Variants in FLVCR2 observed in about 807,000 individuals in gnomAD.
FLVCR2 encodes FLVCR choline and putative heme transporter 2, also known as choline/ethanolamine transporter FLVCR2.
FLVCR2 carries 38 observed loss-of-function variants against 48.9 expected under a neutral mutation model. The ratio of observed to expected loss-of-function variants is 0.78; its 90% CI spans 0.60 to 1.02. FLVCR2 has a LOEUF of 1.02. Among genes scored for constraint, FLVCR2 ranks in the 50% least tolerant of loss-of-function variants. FLVCR2 has a pLI of 0.00. For synonymous variants in FLVCR2, 255 were observed against 257.0 expected (o/e 0.99, Z 0.07); for missense variants, 664 against 663.3 (o/e 1.00, Z -0.01).
intron 1 of FLVCR2, chr14:75,595,881 T>C: frequency 9.4e-7 from 1 of 1,062,608 alleles, no homozygotes; most frequent in Admixed American, 1.7e-5. Flanking sequence ...GTTCTTGCGT[T>C]CCTCTCATTG....
intron 1 of FLVCR2, among the ~76,000 whole-genome samples, chr14:75,607,382 A>C (rs1594799777): frequency 1.3e-5 from 2 of 152,318 alleles, no homozygotes; most frequent in Non-Finnish European, 2.9e-5. Flanking sequence ...AGTTTATTTG[A>C]GCAAACAGTG....
chr14:75,647,385 C>CTT lies in FLVCR2; in HGVS notation c.*913_*914insTT, dbSNP rs1890444775. On this transcript the variant is annotated 3_prime_UTR_variant, in exon 10 of 10. Transcript: ENST00000238667. Reference sequence around the variant, plus strand: ...TTTTATTCCAAGGCAGGGTAATCCCCGTCAACTTACTCTAACCTTTGCTGA... The same window carrying CTT: ...TTTTATTCCAAGGCAGGGTAATCCCCTTGTCAACTTACTCTAACCTTTGCTGA... 1 of 152,154 alleles carries CTT rather than the reference C, an allele frequency of 6.6e-6. No homozygotes were observed. The highest frequency in any genetic ancestry group is 2.4e-5 in the African/African-American group (1 of 41,432). 9.4% of individuals were successfully genotyped at this position (152,154 alleles called of 1,614,324 possible). A position where few individuals can be genotyped will look rare whatever the true frequency, so the allele number is the denominator to read the frequency against.
chr14:75,637,555 T>C (rs182418136), intron 5 of FLVCR2, among the ~76,000 whole-genome samples: 1 of 151,886 alleles, frequency 6.6e-6, no homozygotes, highest in Non-Finnish European at 1.5e-5. Context: ...TGAAACCCTG[T>C]CTCTACTAAA....
At chr14:75,607,551 G>A (rs1051675165) in intron 1 of FLVCR2, among the ~76,000 whole-genome samples, 3 of 152,094 alleles carry the variant, frequency 2.0e-5, no homozygotes, top group Non-Finnish European at 4.4e-5. Context: ...CAGAAGTCTC[G>A]ATGTTGATGA....
chr14:75,641,383 G>A (rs1055535007), intron 8 of FLVCR2, 90 bp downstream of exon 8: 28 of 821,266 alleles, frequency 3.4e-5, no homozygotes, highest in African/African-American at 5.0e-5. Context: ...GAGTACGTAC[G>A]TAGGGGGACA....
At chr14:75,639,217 CA>C in intron 5 of FLVCR2, 134 bp from the exon 6 acceptor site, 1 of 721,926 alleles carries the variant, frequency 1.4e-6, no homozygotes, top group East Asian at 2.7e-5. Context: ...TCTCTGAAAA[CA>C]AAACAAAACT....
intron 9 of FLVCR2, among the ~76,000 whole-genome samples, chr14:75,643,211 A>C (rs1890344705): frequency 6.6e-6 from 1 of 152,234 alleles, no homozygotes; most frequent in African/African-American, 2.4e-5. Flanking sequence ...CGGATAAGCC[A>C]TGATTTATTT....
chr14:75,578,640 T>G lies in FLVCR2; in HGVS notation c.-333T>G. 2.5e-6 allele frequency: 1 copy of G among 403,910 alleles called. No individual in the cohort carries two copies. Among genetic ancestry groups the G allele is most frequent in the East Asian group, 5.6e-5 (1 of 17,768 alleles). 25.0% of individuals were successfully genotyped at this position (403,910 alleles called of 1,614,324 possible). ...CCGGGAGAGGACTCTGCGGGCGAAGTGGCTGCGCAAGGAGAGAACTTTTCC... is the reference window on the plus strand; with the variant it reads ...CCGGGAGAGGACTCTGCGGGCGAAGGGGCTGCGCAAGGAGAGAACTTTTCC... On this transcript the variant is annotated 5_prime_UTR_variant, in exon 1 of 10. Coordinates refer to ENST00000238667, the MANE Select transcript of FLVCR2 (RefSeq NM_017791.3).
Position 75,624,695 on chromosome 14 carries a change from G to T in FLVCR2, c.895G>T (p.Gly299Cys), listed in dbSNP as rs1189034212. 3 of 1,613,960 alleles carry T rather than the reference G, an allele frequency of 1.9e-6. No individual in the cohort carries two copies. The highest frequency in any genetic ancestry group is 2.7e-5 in the African/African-American group (2 of 74,890). ...ALTSPDASYLGSIARLFKNLN... is the reference protein window; with the variant it reads ...ALTSPDASYLCSIARLFKNLN... ...GACCTCTCCTGATGCCTCATACTTA[G>T]GTTCCATCGCCCGGCTCTTCAAAAA... is the stretch of plus-strand genomic sequence containing the variant. Residue 299 changes from glycine to cysteine, a missense_variant, in exon 3 of 10, where the codon GGT (glycine) becomes TGT (cysteine). Coordinates refer to ENST00000238667, the MANE Select transcript of FLVCR2 (RefSeq NM_017791.3).
At chr14:75,630,313 G>A (rs1161352305) in intron 3 of FLVCR2, among the ~76,000 whole-genome samples, 2 of 152,150 alleles carry the variant, frequency 1.3e-5, no homozygotes, top group South Asian at 2.1e-4. Context: ...CTGCCTCCAT[G>A]TTAACCCCAC....
At chr14:75,639,264 T>C (rs756817223) in intron 5 of FLVCR2, 88 bp from the exon 6 acceptor site, 1 of 858,466 alleles carries the variant, frequency 1.2e-6, no homozygotes, top group Non-Finnish European at 2.0e-6. Flanking sequence ...ATGCGGCAGA[T>C]ACTTAATAGA....
Position 75,579,322 on chromosome 14 carries a change from G to C in FLVCR2, c.350G>C (p.Gly117Ala), listed in dbSNP as rs771474283. ...AATAACATCTTCATGCACTTCTACG[G>C]TGTCAGTGCCTTTGCCATTGACTGG... The part of the protein sequence containing the change: ...SINNIFMHFY[G>A]VSAFAIDWLS... Residue 117 changes from glycine (G) to alanine (A), a missense_variant, in exon 1 of 10, where the codon GGT becomes GCT. By Grantham distance (60) the Gly-to-Ala change is moderately conservative. Transcript: ENST00000238667. 6.2e-7 allele frequency: 1 copy of C among 1,614,210 alleles called. No individual in the cohort carries two copies. Among genetic ancestry groups the C allele is most frequent in the South Asian group, 1.1e-5 (1 of 91,086 alleles).
intron 1 of FLVCR2, among the ~76,000 whole-genome samples, chr14:75,608,441 A>G (rs539568295): frequency 8.2e-4 from 125 of 152,138 alleles, no homozygotes; most frequent in Non-Finnish European, 1.4e-3. Flanking sequence ...GGCACGATGC[A>G]ACGTTTGAGT....
chr14:75,629,382 TTG>T (rs1889982334), intron 3 of FLVCR2, among the ~76,000 whole-genome samples: 3 of 152,198 alleles, frequency 2.0e-5, no homozygotes, highest in Non-Finnish European at 4.4e-5. Context: ...GTGCTTGATG[TTG>T]CGGAAATATC....
chr14:75,633,788 T>TC, intron 4 of FLVCR2, 92 bp downstream of exon 4: 2 of 960,624 alleles, frequency 2.1e-6, no homozygotes, highest in Non-Finnish European at 3.4e-6. Context: ...AAGTCTTCAT[T>TC]CCCCCCAGTT....
chr14:75,581,568 G>C, intron 1 of FLVCR2, among the ~76,000 whole-genome samples: 1 of 149,392 alleles, frequency 6.7e-6, no homozygotes, highest in East Asian at 2.0e-4. Context: ...AGGTGGGAAG[G>C]CCAAACTGAG....
rs764144834 is a variant in FLVCR2, at chr14:75,633,673, C to T, written c.997C>T (p.Arg333Cys). The change falls in exon 4 of 10, where the codon CGC becomes TGC. Residue 333 changes from arginine to cysteine, a missense_variant. Physicochemically the swap from Arg to Cys is radical, Grantham distance 180 (BLOSUM62 -3). Coordinates refer to ENST00000238667, the MANE Select transcript of FLVCR2 (RefSeq NM_017791.3). ...TTATGCCTTGTCCACTCTTCTGAAT[C>T]GCATGGTGATCTGGCACTACCCGGT... is the stretch of plus-strand genomic sequence containing the variant. The part of the protein sequence containing the change: ...AFYALSTLLN[R>C]MVIWHYPGEE... The T allele has an allele frequency of 7.4e-6, 12 of 1,613,800 alleles. No individual in the cohort carries two copies. Among genetic ancestry groups the T allele is most frequent in the Admixed American group, 3.3e-5 (2 of 59,998 alleles).
chr14:75,634,879 C>T (rs201575923), intron 4 of FLVCR2, 31 bp from the exon 5 acceptor site: 464 of 1,490,078 alleles, frequency 3.1e-4, no homozygotes, highest in African/African-American at 2.7e-3. Context: ...GTCCCATCGC[C>T]GGGTGATCTT....
rs753047354 is a variant in FLVCR2 at position 75,646,734 on chromosome 14, G to A, written c.*262G>A. The A allele has an allele frequency of 6.2e-6, 3 of 486,356 alleles. No homozygotes were observed. Among genetic ancestry groups the A allele is most frequent in the Non-Finnish European group, 1.1e-5 (3 of 261,724 alleles). 30.1% of individuals were successfully genotyped at this position (486,356 alleles called of 1,614,324 possible). On this transcript the variant is annotated 3_prime_UTR_variant, in exon 10 of 10. Coordinates refer to ENST00000238667, the MANE Select transcript of FLVCR2 (RefSeq NM_017791.3). ...GGTTATGGGAGTTGGTGTTGGGACA[G>A]GGTGGCAGAGAATATTGGAGTCAAT...
Sources: allele counts gnomAD v4.1 joint callset (sites outside exome capture counted in the v4.1 genomes callset), GRCh38; gene constraint gnomAD v4.1.1; transcripts MANE v1.5; gene names NCBI Gene and HGNC (gene_info 2026-07-23, HGNC 2026-07-21).